WDR70: variants seen among roughly 807,000 people sequenced by gnomAD.
The protein encoded by WDR70 is WD repeat-containing protein 70.
WDR70 carries 53 observed loss-of-function variants against 88.6 expected under a neutral mutation model. The observed-to-expected ratio is 0.60, with a 90% CI of 0.48 to 0.75. WDR70 has a LOEUF of 0.75. Among genes scored for constraint, WDR70 ranks in the 30% least tolerant of loss-of-function variants. The probability of loss-of-function intolerance (pLI) is 0.00; values close to 1 mark genes in which losing one functional copy is unlikely to be tolerated. For missense variants in WDR70, 610 were observed against 823.2 expected (o/e 0.74, Z 3.17); for synonymous variants, 280 against 270.0 (o/e 1.04, Z -0.36).
intron 10 of WDR70, among the ~76,000 whole-genome samples, chr5:37,665,025 A>G (rs984968817): frequency 1.3e-4 from 20 of 152,186 alleles, no homozygotes; most frequent in African/African-American, 4.8e-4. Flanking sequence ...TTTTGTTCAT[A>G]TTGTCAAGTG....
intron 10 of WDR70, among the ~76,000 whole-genome samples, chr5:37,617,028 G>A (rs1744365052): frequency 6.6e-6 from 1 of 152,144 alleles, no homozygotes; most frequent in African/African-American, 2.4e-5. Context: ...AGATTTTAAA[G>A]CATATAGTAT....
chr5:37,655,972 G>A (rs1383864741), intron 10 of WDR70, among the ~76,000 whole-genome samples: 1 of 151,808 alleles, frequency 6.6e-6, no homozygotes, highest in Non-Finnish European at 1.5e-5. Flanking sequence ...ATCCAGTTCT[G>A]TTCCCTTGCT....
At position 37,540,488 on chromosome 5, in the gene WDR70, TCTC is replaced by T. The variant is rs549759655; in HGVS notation, c.917+23901_917+23903del. 3.3e-5 allele frequency among the ~76,000 whole-genome samples: 5 copies of T among 152,298 alleles called. No homozygotes were observed. The East Asian group carries it at 9.6e-4, about 29-fold the overall frequency. ...TCTCCGCCTCCCAGGTTCAAGCCAT[TCTC>T]CTGCCTCAGCCTCCTGAGTAGCTGG... On this transcript the variant is annotated intron_variant, in intron 9 of 17. Coordinates refer to ENST00000265107, the MANE Select transcript of WDR70 (RefSeq NM_018034.4).
chr5:37,641,254 T>C (rs1166574818), intron 10 of WDR70, among the ~76,000 whole-genome samples: 3 of 151,922 alleles, frequency 2.0e-5, no homozygotes, highest in African/African-American at 4.8e-5. Flanking sequence ...TAGCTGGGAT[T>C]ATAGGCCTAT....
chr5:37,606,923 A>C (rs809109), intron 10 of WDR70, among the ~76,000 whole-genome samples: 219 of 18,432 alleles, frequency 0.012, no homozygotes, highest in African/African-American at 0.019. Flanking sequence ...CTCCCCTCCC[A>C]TCCCCTCCCC....
chr5:37,740,414 C>T (rs924239960), intron 17 of WDR70, among the ~76,000 whole-genome samples: 14 of 152,320 alleles, frequency 9.2e-5, no homozygotes, highest in Middle Eastern at 3.4e-3. Context: ...CACTATGCTC[C>T]TACAAAACAC....
At chr5:37,710,389 C>A (rs1747474018) in intron 13 of WDR70, among the ~76,000 whole-genome samples, 1 of 152,070 alleles carries the variant, frequency 6.6e-6, no homozygotes, top group Non-Finnish European at 1.5e-5. Context: ...AACTCCTAAG[C>A]CCTGGCATTC....
In WDR70 at chr5:37,468,982, A is replaced by T. The variant is rs571629964; in HGVS notation, c.687-10852A>T. ...ATCCTGGAACTAGTCCCCCATGGAT[A>T]CTGAGGGCTGACTGTATAGTCCTAT... On this transcript the variant is annotated intron_variant, in intron 7 of 17. Coordinates refer to ENST00000265107, the MANE Select transcript of WDR70 (RefSeq NM_018034.4). Among the ~76,000 whole-genome samples the T allele has an allele frequency of 5.3e-5, 8 of 152,302 alleles. No homozygotes were observed. In the East Asian group the frequency reaches 9.6e-4, roughly 18 times the overall value.
intron 13 of WDR70, among the ~76,000 whole-genome samples, chr5:37,714,883 T>C (rs1561087423): frequency 6.6e-6 from 1 of 152,192 alleles, no homozygotes; most frequent in Non-Finnish European, 1.5e-5. Context: ...ATGAACAAAA[T>C]TGTATTTAAT....
chr5:37,510,552 T>C (rs1589117), intron 8 of WDR70, among the ~76,000 whole-genome samples: 137,280 of 152,240 alleles, frequency 0.9, 63,521 homozygotes, highest in East Asian at 1. Context: ...TCTGCCTCAG[T>C]CTCCCTAGTA....
intron 10 of WDR70, among the ~76,000 whole-genome samples, chr5:37,640,025 T>C (rs867843098): frequency 2.6e-5 from 4 of 152,134 alleles, no homozygotes; most frequent in Non-Finnish European, 4.4e-5. Context: ...ACTAGAAATA[T>C]TACAGCCAAG....
intron 10 of WDR70, among the ~76,000 whole-genome samples, chr5:37,656,801 A>G (rs1273342145): frequency 6.6e-6 from 1 of 152,152 alleles, no homozygotes; most frequent in Non-Finnish European, 1.5e-5. Context: ...CTCCCGCAAC[A>G]AAGCTGGAGT....
intron 3 of WDR70, among the ~76,000 whole-genome samples, chr5:37,389,816 CAA>C (rs1238290237): frequency 6.6e-6 from 1 of 152,100 alleles, no homozygotes; most frequent in East Asian, 1.9e-4. Context: ...CCAGAAGACA[CAA>C]AAAAGTCAAC....
chr5:37,721,264 G>A, intron 14 of WDR70, 49 bp downstream of exon 14: 2 of 1,540,194 alleles, frequency 1.3e-6, no homozygotes, highest in Non-Finnish European at 1.8e-6. Flanking sequence ...CAACTGGGGG[G>A]AGGGATTTCC....
chr5:37,713,330 AC>A (rs1747569778), intron 13 of WDR70, among the ~76,000 whole-genome samples: 2 of 152,304 alleles, frequency 1.3e-5, no homozygotes, highest in South Asian at 4.2e-4. Context: ...ATATTAAAAA[AC>A]ATCCACTCCT....
At chr5:37,671,163 GA>G (rs34763305) in intron 10 of WDR70, among the ~76,000 whole-genome samples, 8,884 of 152,210 alleles carry the variant, frequency 0.058, 329 homozygotes, top group Middle Eastern at 0.12. Flanking sequence ...CCAATGAGGA[GA>G]AAAAACAATT....
intron 9 of WDR70, among the ~76,000 whole-genome samples, chr5:37,581,742 C>T (rs73749072): frequency 0.015 from 2,313 of 152,220 alleles, 53 homozygotes; most frequent in African/African-American, 0.053. Flanking sequence ...TTAGGTACCT[C>T]GCAGACCCTT....
intron 7 of WDR70, among the ~76,000 whole-genome samples, chr5:37,476,043 G>T (rs1420978429): frequency 6.6e-6 from 1 of 151,596 alleles, no homozygotes; most frequent in Non-Finnish European, 1.5e-5. Context: ...TATAGATGGG[G>T]TGTCTGCATG....
chr5:37,748,571 A>G (rs1284670384), intron 17 of WDR70, among the ~76,000 whole-genome samples: 4 of 152,198 alleles, frequency 2.6e-5, no homozygotes, highest in Non-Finnish European at 4.4e-5. Context: ...ACTTCATGAC[A>G]AAAATGCCAA....
Sources: gnomAD v4.1 joint callset for allele counts (sites outside exome capture counted in the v4.1 genomes callset) on GRCh38, gnomAD v4.1.1 for gene constraint, MANE v1.5 for transcripts, NCBI Gene and HGNC (gene_info 2026-07-23, HGNC 2026-07-21) for gene names.